The following SEMA4D variants were observed in gnomAD, a reference collection of about 807,000 sequenced individuals.
SEMA4D encodes semaphorin 4D, also known as semaphorin-4D.
In SEMA4D, 22 loss-of-function variants were observed where a neutral mutation model predicts 74.8. That is an observed-to-expected ratio of 0.29 (90% CI 0.21 to 0.42). The LOEUF (loss-of-function observed/expected upper bound fraction) is 0.42, where lower values mean the gene tolerates loss of function less well. Ranked by LOEUF, SEMA4D falls within the 10% of genes least tolerant of loss-of-function variation. The pLI is 1.00. For missense variants in SEMA4D, 937 were observed against 1,118.4 expected (o/e 0.84, Z 2.31); for synonymous variants, 445 against 463.7 (o/e 0.96, Z 0.52).
chr9:89,440,376 A>G (rs60509173), intron 2 of SEMA4D, among the ~76,000 whole-genome samples: 58 of 152,234 alleles, frequency 3.8e-4, no homozygotes, highest in African/African-American at 1.2e-3. Context: ...TGGTCTTGAC[A>G]TGCCTCTGCC....
chr9:89,405,661 A>T lies in SEMA4D; in HGVS notation c.-205T>A. 7.0e-7 allele frequency: 1 copy of T among 1,420,108 alleles called. No homozygotes were observed. The highest frequency in any genetic ancestry group is 9.2e-7 in the Non-Finnish European group (1 of 1,090,890). 88.0% of individuals were successfully genotyped at this position (1,420,108 alleles called of 1,614,324 possible). Reference sequence around the variant, plus strand: ...GGTCGCTCTCACCACCGCAATGTCAAAGCCCACTTGATACTTCTTCAGGGC... The same window carrying T: ...GGTCGCTCTCACCACCGCAATGTCATAGCCCACTTGATACTTCTTCAGGGC... On this transcript the variant is annotated 5_prime_UTR_variant, in exon 3 of 16. It adds an upstream start codon to the 5' untranslated region. Coordinates refer to ENST00000422704, the MANE Select transcript of SEMA4D (RefSeq NM_001371194.2).
At chr9:89,409,734 C>T (rs1844107839) in intron 2 of SEMA4D, among the ~76,000 whole-genome samples, 1 of 152,142 alleles carries the variant, frequency 6.6e-6, no homozygotes, top group South Asian at 2.1e-4. Context: ...AGGCCCAGTT[C>T]ATTTCGGGTC....
At chr9:89,449,735 A>C (rs1853888474) in intron 2 of SEMA4D, 10 of 1,518,502 alleles carry the variant, frequency 6.6e-6, no homozygotes, top group African/African-American at 1.4e-5. Flanking sequence ...TTATGCAAGA[A>C]ACAGGGAAAA....
At chr9:89,477,048 G>C (rs1861919100) in intron 1 of SEMA4D, among the ~76,000 whole-genome samples, 1 of 152,142 alleles carries the variant, frequency 6.6e-6, no homozygotes, top group African/African-American at 2.4e-5. Context: ...AGTGGGGCGA[G>C]TTTTATCTTT....
At chr9:89,461,683 G>A (rs985993228) in intron 1 of SEMA4D, among the ~76,000 whole-genome samples, 7 of 129,972 alleles carry the variant, frequency 5.4e-5, no homozygotes, top group African/African-American at 2.0e-4. Context: ...TAGGGCCAAT[G>A]TGTATTTCTT....
At chr9:89,463,277 G>A (rs1032623033) in intron 1 of SEMA4D, among the ~76,000 whole-genome samples, 1 of 152,168 alleles carries the variant, frequency 6.6e-6, no homozygotes, top group African/African-American at 2.4e-5. Context: ...TTGAATAGCT[G>A]CTCCCTGCAT....
chr9:89,380,626 C>A (rs1836811718), intron 15 of SEMA4D, among the ~76,000 whole-genome samples: 1 of 152,132 alleles, frequency 6.6e-6, no homozygotes, highest in Admixed American at 6.5e-5. Context: ...CTGATGCCAC[C>A]CCTCCCTCTG....
intron 1 of SEMA4D, among the ~76,000 whole-genome samples, chr9:89,486,234 A>C (rs1825194891): frequency 6.6e-6 from 1 of 152,226 alleles, no homozygotes; most frequent in Admixed American, 6.5e-5. Context: ...AGCCAGACTC[A>C]AAGGCTACAA....
intron 9 of SEMA4D, among the ~76,000 whole-genome samples, chr9:89,389,418 A>T (rs78541330): frequency 6.6e-6 from 1 of 152,234 alleles, no homozygotes; most frequent in Non-Finnish European, 1.5e-5. Context: ...GACTTTCCTG[A>T]CATAGGGCCC....
At chr9:89,497,696 T>C (rs1355179047) in intron 1 of SEMA4D, among the ~76,000 whole-genome samples, 1 of 150,506 alleles carries the variant, frequency 6.6e-6, no homozygotes, top group East Asian at 2.0e-4. Flanking sequence ...CGGGTAGGTG[T>C]CTCTGGGAGG....
intron 2 of SEMA4D, among the ~76,000 whole-genome samples, chr9:89,438,314 G>A (rs905044488): frequency 3.3e-5 from 5 of 152,268 alleles, no homozygotes; most frequent in African/African-American, 1.2e-4. Context: ...GTGCTCATGT[G>A]GATGCCACAC....
In SEMA4D at chr9:89,449,487, A is replaced by G; in HGVS notation, c.-244+6401T>C. 5 of 732,272 alleles carry G rather than the reference A, an allele frequency of 6.8e-6. No homozygotes were observed. In the South Asian group the frequency reaches 7.1e-5, roughly 10 times the overall value. The allele number at this position is 732,272 out of a possible 1,614,324, so 45.4% of individuals were successfully genotyped here. On this transcript the variant is annotated intron_variant, in intron 2 of 15. Coordinates refer to ENST00000422704, the MANE Select transcript of SEMA4D (RefSeq NM_001371194.2). ...CGAGGATCGAGGGAGCTCTGACCAC[A>G]GCCTGTGGCTGGGAAGGGAGGCAGA...
At position 89,405,564 on chromosome 9, in the gene SEMA4D, C is replaced by T; in HGVS notation, c.-108G>A. 2 of 1,521,706 alleles carry T rather than the reference C, an allele frequency of 1.3e-6. No individual in the cohort carries two copies. Among genetic ancestry groups the T allele is most frequent in the South Asian group, 1.2e-5 (1 of 81,344 alleles). The allele number at this position is 1,521,706 out of a possible 1,614,324, so 94.3% of individuals were successfully genotyped here. On this transcript the variant is annotated 5_prime_UTR_variant, in exon 3 of 16. Coordinates refer to ENST00000422704, the MANE Select transcript of SEMA4D (RefSeq NM_001371194.2). ...CTCAGCGCCCCAGGACCAGGGCCAGCAGCACAGCCTGGAGCTCGTGAACAG... is the reference window on the plus strand; with the variant it reads ...CTCAGCGCCCCAGGACCAGGGCCAGTAGCACAGCCTGGAGCTCGTGAACAG...
At chr9:89,460,300 C>T (rs1051784526) in intron 1 of SEMA4D, among the ~76,000 whole-genome samples, 3 of 150,782 alleles carry the variant, frequency 2.0e-5, no homozygotes, top group African/African-American at 7.3e-5. Context: ...TCTGGTTCTT[C>T]GAAGCCTCAT....
chr9:89,366,185 T>C (rs1449859714), intron 16 of SEMA4D, among the ~76,000 whole-genome samples: 1 of 152,180 alleles, frequency 6.6e-6, no homozygotes, highest in East Asian at 1.9e-4. Flanking sequence ...TAGGAATGTG[T>C]GCATATATGT....
At chr9:89,426,056 C>CA (rs1848025185) in intron 2 of SEMA4D, among the ~76,000 whole-genome samples, 1 of 152,254 alleles carries the variant, frequency 6.6e-6, no homozygotes, top group Admixed American at 6.5e-5. Context: ...GCCCTGCACT[C>CA]AGAGGCATCC....
chr9:89,378,896 G>C lies in SEMA4D; in HGVS notation c.2397C>G (p.Phe799Leu). 1 of 1,614,224 alleles carries C rather than the reference G, an allele frequency of 6.2e-7. No homozygotes were observed. Among genetic ancestry groups the C allele is most frequent in the Non-Finnish European group, 8.5e-7 (1 of 1,180,048 alleles). The change falls in exon 16 of 16, where the codon TTC (phenylalanine) becomes TTG (leucine). Residue 799 changes from phenylalanine to leucine, a missense_variant. Coordinates refer to ENST00000422704, the MANE Select transcript of SEMA4D (RefSeq NM_001371194.2). ...TGGGGTGCTCCCCATTCTGCTGGGA[G>C]AAGCTCCCTGGCTCTACTAACGTCT... is the stretch of plus-strand genomic sequence containing the variant. ...LKETLVEPGS[F>L]SQQNGEHPKP...
intron 1 of SEMA4D, among the ~76,000 whole-genome samples, chr9:89,477,607 C>T (rs563523530): frequency 3.1e-4 from 47 of 152,246 alleles, no homozygotes; most frequent in Admixed American, 9.8e-4. Context: ...GTGGCATGAC[C>T]GCGACTTTGG....
chr9:89,455,536 C>G (rs74889769), intron 2 of SEMA4D, among the ~76,000 whole-genome samples: 1,908 of 152,306 alleles, frequency 0.013, 40 homozygotes, highest in African/African-American at 0.043. Flanking sequence ...ACCTCCTCAA[C>G]TGGGGCCCTT....
Sources: gnomAD v4.1 joint callset for allele counts (sites outside exome capture counted in the v4.1 genomes callset) on GRCh38, gnomAD v4.1.1 for gene constraint, MANE v1.5 for transcripts, NCBI Gene and HGNC (gene_info 2026-07-23, HGNC 2026-07-21) for gene names.